RBL1: variants seen among roughly 807,000 people sequenced by gnomAD.
The protein encoded by RBL1 is retinoblastoma-like protein 1.
Under a neutral mutation model 123.0 loss-of-function variants are expected in RBL1, and 82 were observed. That is an observed-to-expected ratio of 0.67 (90% CI 0.56 to 0.80). RBL1 has a LOEUF of 0.80. Among genes scored for constraint, RBL1 ranks in the 30% least tolerant of loss-of-function variants. The pLI is 0.00. For missense variants in RBL1, 1,171 were observed against 1,299.6 expected, an observed-to-expected ratio of 0.90 and a Z score of 1.52; for synonymous variants, 405 against 441.3, an observed-to-expected ratio of 0.92 and a Z score of 1.03.
At chr20:37,013,851 A>C (rs2064205918) in intron 19 of RBL1, among the ~76,000 whole-genome samples, 1 of 152,142 alleles carries the variant, frequency 6.6e-6, no homozygotes, top group South Asian at 2.1e-4. Context: ...TAGAACTGGG[A>C]TATATGAACT....
At chr20:37,056,386 G>A (rs1056706837) in intron 9 of RBL1, 128 bp from the exon 10 acceptor site, 58 of 1,255,168 alleles carry the variant, frequency 4.6e-5, no homozygotes, top group African/African-American at 5.5e-5. Flanking sequence ...ACGGAGTCTC[G>A]CTCTGTAACC....
At chr20:37,021,448 C>CTTT (rs879272660) in intron 17 of RBL1, among the ~76,000 whole-genome samples, 1 of 143,168 alleles carries the variant, frequency 7.0e-6, no homozygotes, top group East Asian at 2.0e-4. Flanking sequence ...TTTTTTAATT[C>CTTT]TTTTTTTTTT....
intron 2 of RBL1, 150 bp from the exon 3 acceptor site, chr20:37,068,336 T>A (rs1375959777): frequency 1.6e-6 from 2 of 1,215,510 alleles, no homozygotes; most frequent in Non-Finnish European, 2.2e-6. Context: ...TACAAAAATT[T>A]AAAAAATTAG....
At chr20:37,022,875 C>G in intron 16 of RBL1, 49 bp from the exon 17 acceptor site, 1 of 1,438,310 alleles carries the variant, frequency 7.0e-7, no homozygotes, top group South Asian at 1.3e-5. Flanking sequence ...TAAATCATTT[C>G]TCAAATTTTT....
chr20:37,044,332 T>TTTC (rs569022282), intron 12 of RBL1, 82 bp from the exon 13 acceptor site: 12 of 1,341,788 alleles, frequency 8.9e-6, no homozygotes, highest in African/African-American at 8.9e-5. Context: ...TAGCTGTGGC[T>TTTC]TTCTTCTTCT....
chr20:37,020,589 C>A, intron 18 of RBL1, 70 bp downstream of exon 18: 2 of 1,054,410 alleles, frequency 1.9e-6, no homozygotes, highest in African/African-American at 1.6e-5. Flanking sequence ...ATAAGTTTAC[C>A]TTTTATATAA....
chr20:37,038,966 T>G (rs2064676950), intron 14 of RBL1, among the ~76,000 whole-genome samples: 1 of 152,152 alleles, frequency 6.6e-6, no homozygotes. Context: ...CAAACACACA[T>G]ACACAATCAC....
Position 37,070,033 on chromosome 20 carries a change from G to A in RBL1, c.291-1847C>T, listed in dbSNP as rs541807604. Among the ~76,000 whole-genome samples, 3 of 152,382 alleles carry A rather than the reference G, an allele frequency of 2.0e-5. No homozygotes were observed. In the South Asian group the frequency reaches 6.2e-4, roughly 32 times the overall value. On this transcript the variant is annotated intron_variant, in intron 2 of 21. Coordinates refer to ENST00000373664, the MANE Select transcript of RBL1 (RefSeq NM_002895.5). Reference sequence around the variant, plus strand: ...GCGGCTTTGTGGAATAGAAGGGCGGGAAAGGTGGGGAAAAGATTGAGAAAT... The same window carrying A: ...GCGGCTTTGTGGAATAGAAGGGCGGAAAAGGTGGGGAAAAGATTGAGAAAT...
At chr20:37,051,907 G>T (rs755872048) in intron 11 of RBL1, among the ~76,000 whole-genome samples, 22 of 152,008 alleles carry the variant, frequency 1.4e-4, no homozygotes, top group Non-Finnish European at 2.8e-4. Flanking sequence ...CTTGAAAAAG[G>T]ATGGAAAAAG....
chr20:37,050,254 T>C (rs1312539535), intron 11 of RBL1, among the ~76,000 whole-genome samples: 1 of 150,948 alleles, frequency 6.6e-6, no homozygotes, highest in Non-Finnish European at 1.5e-5. Flanking sequence ...TCTTTAAAAG[T>C]AGAATAAGGC....
intron 9 of RBL1, among the ~76,000 whole-genome samples, chr20:37,056,897 A>T (rs1226982734): frequency 1.3e-5 from 2 of 152,160 alleles, no homozygotes; most frequent in African/African-American, 4.8e-5. Context: ...TTCACTTAAC[A>T]TAATGTACTA....
intron 2 of RBL1, among the ~76,000 whole-genome samples, chr20:37,088,504 T>C (rs973751156): frequency 7.2e-5 from 11 of 152,088 alleles, no homozygotes; most frequent in African/African-American, 2.4e-4. Flanking sequence ...TAGCAGAATT[T>C]GAGAAAGGCA....
In RBL1 at chr20:37,067,407, T is replaced by C; in HGVS notation, c.492-110A>G. On this transcript the variant is annotated intron_variant, in intron 3 of 21. Coordinates refer to ENST00000373664, the MANE Select transcript of RBL1 (RefSeq NM_002895.5). ...GATCAAATTACACATGAAATTCCAT[T>C]CATGAAGAAAAGTAATCTATTATTT... The C allele has an allele frequency of 3.4e-6, 3 of 873,064 alleles. No homozygotes were observed. In the South Asian group the frequency reaches 5.6e-5, roughly 16 times the overall value. The allele number at this position is 873,064 out of a possible 1,614,324, so 54.1% of individuals were successfully genotyped here. A position where few individuals can be genotyped will look rare whatever the true frequency, so the allele number is the denominator to read the frequency against.
chr20:37,091,756 C>A (rs2065650223), intron 1 of RBL1, among the ~76,000 whole-genome samples: 3 of 151,160 alleles, frequency 2.0e-5, no homozygotes, highest in African/African-American at 4.9e-5. Context: ...GTCTTTAAGA[C>A]CAAACCCTAG....
In RBL1 at chr20:37,047,171, A is replaced by T. The variant is rs760764631; in HGVS notation, c.1487T>A (p.Ile496Lys). The stretch of plus-strand genomic sequence containing the variant: ...ACAAGCCATCAAGGAACGATGAAAT[A>T]TATCTTGCTCTAAAAGAACCTGGGG... ...MDMSVLLEQD[I>K]FHRSLMACCL... Residue 496 changes from isoleucine (I) to lysine (K), a missense_variant, in exon 12 of 22, where the codon ATA becomes AAA. Physicochemically the swap from Ile to Lys is moderately radical, Grantham distance 102. Coordinates refer to ENST00000373664, the MANE Select transcript of RBL1 (RefSeq NM_002895.5). 1.8e-5 allele frequency: 28 copies of T among 1,598,446 alleles called. No homozygotes were observed. The highest frequency in any genetic ancestry group is 2.3e-5 in the Non-Finnish European group (27 of 1,176,900).
intron 2 of RBL1, among the ~76,000 whole-genome samples, 196 bp from the exon 3 acceptor site, chr20:37,068,382 C>T (rs1181603274): frequency 6.6e-6 from 1 of 152,062 alleles, no homozygotes. Context: ...GCCCCAGGTA[C>T]TTGGGAGGCT....
intron 11 of RBL1, among the ~76,000 whole-genome samples, 158 bp downstream of exon 11, chr20:37,055,395 T>C (rs988377090): frequency 2.6e-5 from 4 of 151,934 alleles, no homozygotes; most frequent in Admixed American, 6.6e-5. Context: ...TCTGCCTAGA[T>C]TGATTAGCCT....
chr20:37,057,048 C>CCTACCTAT (rs2065024059), intron 9 of RBL1, among the ~76,000 whole-genome samples: 1 of 143,916 alleles, frequency 6.9e-6, no homozygotes, highest in African/African-American at 2.6e-5. Context: ...TACCTACCTA[C>CCTACCTAT]CTATCTACCT....
intron 14 of RBL1, 109 bp downstream of exon 14, chr20:37,040,044 G>C: frequency 6.7e-7 from 1 of 1,495,066 alleles, no homozygotes; most frequent in Non-Finnish European, 9.1e-7. Context: ...GAACCCTGCT[G>C]AATAAATTAG....
Sources: allele counts gnomAD v4.1 joint callset (sites outside exome capture counted in the v4.1 genomes callset), GRCh38; gene constraint gnomAD v4.1.1; transcripts MANE v1.5; gene names NCBI Gene and HGNC (gene_info 2026-07-23, HGNC 2026-07-21).